IL1RAPL2: variants seen among roughly 807,000 people sequenced by gnomAD.
The protein encoded by IL1RAPL2 is X-linked interleukin-1 receptor accessory protein-like 2.
Under a neutral mutation model 44.1 loss-of-function variants are expected in IL1RAPL2, and 3 were observed. That is an observed-to-expected ratio of 0.07 (90% CI 0.03 to 0.18). The LOEUF (loss-of-function observed/expected upper bound fraction) is 0.18, where lower values mean the gene tolerates loss of function less well. IL1RAPL2 is among the 10% of genes least tolerant of loss of function. The pLI is 1.00. For missense variants in IL1RAPL2, 391 were observed against 496.4 expected, an observed-to-expected ratio of 0.79 and a Z score of 2.02; for synonymous variants, 181 against 178.8, an observed-to-expected ratio of 1.01 and a Z score of -0.10.
chrX:105,019,862 T>A (rs965234074), intron 2 of IL1RAPL2, among the ~76,000 whole-genome samples: 19 of 111,405 alleles, frequency 1.7e-4, no homozygotes, highest in African/African-American at 6.2e-4. Context: ...GCCTCCTGAA[T>A]ATAGGAATCA....
At chrX:104,879,630 C>G (rs1923009775) in intron 2 of IL1RAPL2, among the ~76,000 whole-genome samples, 1 of 111,578 alleles carries the variant, frequency 9.0e-6, no homozygotes, top group Non-Finnish European at 1.9e-5. Context: ...TGCCCTAAAC[C>G]AATTCCTTCC....
intron 6 of IL1RAPL2, among the ~76,000 whole-genome samples, chrX:105,526,228 TA>T (rs111932344): frequency 0.16 from 17,500 of 111,315 alleles, 3,395 homozygotes; most frequent in African/African-American, 0.54. Context: ...AAATGTTTAA[TA>T]ATTCTGAATA....
chrX:104,664,649 T>C (rs755566425), intron 2 of IL1RAPL2, among the ~76,000 whole-genome samples: 2 of 112,263 alleles, frequency 1.8e-5, no homozygotes, highest in South Asian at 3.7e-4. Flanking sequence ...CTTTGGGTGC[T>C]TTCTGTCATA....
intron 5 of IL1RAPL2, among the ~76,000 whole-genome samples, chrX:105,410,416 A>T (rs1055805547): frequency 6.4e-5 from 7 of 109,955 alleles, no homozygotes; most frequent in African/African-American, 2.3e-4. Flanking sequence ...GCCAAATGTT[A>T]CTGAGAAGAT....
intron 2 of IL1RAPL2, among the ~76,000 whole-genome samples, chrX:105,036,741 A>G (rs1412027710): frequency 3.6e-5 from 4 of 111,809 alleles, no homozygotes; most frequent in Non-Finnish European, 7.5e-5. Context: ...GTTACAAACT[A>G]TAATACTTTT....
chrX:104,911,949 T>C (rs182979155), intron 2 of IL1RAPL2, among the ~76,000 whole-genome samples: 1 of 111,808 alleles, frequency 8.9e-6, no homozygotes. Context: ...AATATCGCTT[T>C]CTCAGAGAGG....
At position 104,899,487 on chromosome X, in the gene IL1RAPL2, C is replaced by T. The variant is rs371639011; in HGVS notation, c.82+240492C>T. Reference sequence around the variant, plus strand: ...ATATCAATGGAAATACAAAGACAGCCTCTCTTTGATTGTACTTGGTTCTTT... The same window carrying T: ...ATATCAATGGAAATACAAAGACAGCTTCTCTTTGATTGTACTTGGTTCTTT... On this transcript the variant is annotated intron_variant, in intron 2 of 10. Transcript: ENST00000372582. Among the ~76,000 whole-genome samples the T allele has an allele frequency of 1.8e-4, 20 of 111,913 alleles. 1 individual carries two copies. The East Asian group carries it at 5.3e-3, about 30-fold the overall frequency.
At chrX:104,918,000 A>C (rs1602818448) in intron 2 of IL1RAPL2, among the ~76,000 whole-genome samples, 1 of 110,665 alleles carries the variant, frequency 9.0e-6, no homozygotes, top group Middle Eastern at 4.7e-3. Flanking sequence ...GCCCTAGGTA[A>C]TAATACCAGA....
At chrX:104,734,405 C>G (rs980249513) in intron 2 of IL1RAPL2, among the ~76,000 whole-genome samples, 1 of 112,456 alleles carries the variant, frequency 8.9e-6, no homozygotes, top group African/African-American at 3.2e-5. Context: ...AAATTTGCAT[C>G]AACAGATGAA....
intron 5 of IL1RAPL2, among the ~76,000 whole-genome samples, chrX:105,469,974 C>G (rs2036155221): frequency 9.0e-6 from 1 of 110,916 alleles, no homozygotes; most frequent in Non-Finnish European, 1.9e-5. Context: ...TGAATGTAGC[C>G]TTTAGTACAA....
intron 5 of IL1RAPL2, among the ~76,000 whole-genome samples, chrX:105,299,885 C>G (rs2034683624): frequency 1.8e-5 from 2 of 111,725 alleles, no homozygotes; most frequent in African/African-American, 6.5e-5. Context: ...CTTGTTAATC[C>G]TCTATCCTGA....
rs185531619 is a variant in IL1RAPL2 at position 105,449,599 on chromosome X, T to C, written c.698-34714T>C. Among the ~76,000 whole-genome samples the C allele has an allele frequency of 1.9e-3, 201 of 105,378 alleles. 1 individual carries two copies. Among genetic ancestry groups the C allele is most frequent in the African/African-American group, 6.8e-3 (196 of 28,624 alleles). 91.5% of individuals were successfully genotyped at this position (105,378 alleles called of 115,157 possible). On this transcript the variant is annotated intron_variant, in intron 5 of 10. Coordinates refer to ENST00000372582, the MANE Select transcript of IL1RAPL2 (RefSeq NM_017416.2). Reference sequence around the variant, plus strand: ...ACTCCGTCTCAAAAAAAAAAAAAATTAGCTGGGCGTGGTGGTGTGCACCTG... The same window carrying C: ...ACTCCGTCTCAAAAAAAAAAAAAATCAGCTGGGCGTGGTGGTGTGCACCTG...
chrX:104,638,186 A>G (rs1402264959), intron 1 of IL1RAPL2, among the ~76,000 whole-genome samples: 1 of 109,327 alleles, frequency 9.1e-6, no homozygotes, highest in East Asian at 2.9e-4. Context: ...CATCTTTTGT[A>G]TTTCTGTAGT....
chrX:105,298,467 A>G (rs1357620537), intron 5 of IL1RAPL2, among the ~76,000 whole-genome samples: 2 of 111,397 alleles, frequency 1.8e-5, no homozygotes, highest in South Asian at 3.7e-4. Flanking sequence ...TGGTGATACC[A>G]TATACTAAGA....
At chrX:104,930,235 C>G (rs1924864197) in intron 2 of IL1RAPL2, among the ~76,000 whole-genome samples, 1 of 111,809 alleles carries the variant, frequency 8.9e-6, no homozygotes, top group South Asian at 3.7e-4. Context: ...TCTTAGAAAA[C>G]CTACATTGAA....
Position 105,094,836 on chromosome X carries a change from C to T in IL1RAPL2, c.83-100639C>T, listed in dbSNP as rs182570481. On this transcript the variant is annotated intron_variant, in intron 2 of 10. Coordinates refer to ENST00000372582, the MANE Select transcript of IL1RAPL2 (RefSeq NM_017416.2). ...TATGAATACAATGTCTTACAGCTTA[C>T]TTAGGTCTTTAATTTCTTTTGGTAA... Among the ~76,000 whole-genome samples the T allele has an allele frequency of 5.4e-3, 602 of 111,594 alleles. 7 individuals carry two copies. Among genetic ancestry groups the T allele is most frequent in the African/African-American group, 0.018 (539 of 30,781 alleles).
Position 104,614,859 on chromosome X carries a change from C to T in IL1RAPL2, c.-19-44036C>T, listed in dbSNP as rs895392871. Reference sequence around the variant, plus strand: ...TTTGTCTGATAGATCTTTCTCTAATCCTTTATGGGTGTCATTACATTTATA... The same window carrying T: ...TTTGTCTGATAGATCTTTCTCTAATTCTTTATGGGTGTCATTACATTTATA... On this transcript the variant is annotated intron_variant, in intron 1 of 10. Coordinates refer to ENST00000372582, the MANE Select transcript of IL1RAPL2 (RefSeq NM_017416.2). Among the ~76,000 whole-genome samples, 7 of 111,567 alleles carry T rather than the reference C, an allele frequency of 6.3e-5. 1 individual carries two copies. Among genetic ancestry groups the T allele is most frequent in the Admixed American group, 5.7e-4 (6 of 10,443 alleles).
At chrX:105,264,627 A>G (rs2034387343) in intron 4 of IL1RAPL2, among the ~76,000 whole-genome samples, 1 of 111,644 alleles carries the variant, frequency 9.0e-6, no homozygotes, top group Non-Finnish European at 1.9e-5. Flanking sequence ...ACCTTTAGAA[A>G]TTGTCTGTGT....
At chrX:105,344,050 A>G (rs1404141750) in intron 5 of IL1RAPL2, among the ~76,000 whole-genome samples, 1 of 110,431 alleles carries the variant, frequency 9.1e-6, no homozygotes, top group African/African-American at 3.3e-5. Flanking sequence ...GCATGCCACC[A>G]CACCTGGCTA....
Sources: gnomAD v4.1 joint callset for allele counts (sites outside exome capture counted in the v4.1 genomes callset) on GRCh38, gnomAD v4.1.1 for gene constraint, MANE v1.5 for transcripts, NCBI Gene and HGNC (gene_info 2026-07-23, HGNC 2026-07-21) for gene names.